Variants in FMNL2 observed in about 807,000 individuals in gnomAD.
FMNL2 encodes the protein formin like 2, also known as formin-like protein 2.
A neutral mutation model predicts 130.2 loss-of-function variants in FMNL2; 51 were observed. The observed-to-expected ratio is 0.39, with a 90% CI of 0.31 to 0.49. FMNL2 has a LOEUF of 0.49. Among genes scored for constraint, FMNL2 ranks in the 20% least tolerant of loss-of-function variants. The pLI, the probability that FMNL2 is intolerant of heterozygous loss-of-function variation, is 0.85. For missense variants in FMNL2, 977 were observed against 1,316.2 expected, an observed-to-expected ratio of 0.74 and a Z score of 3.99; for synonymous variants, 465 against 467.1, an observed-to-expected ratio of 1.00 and a Z score of 0.06.
At chr2:152,500,621 G>A (rs546059175) in intron 1 of FMNL2, among the ~76,000 whole-genome samples, 2 of 152,324 alleles carry the variant, frequency 1.3e-5, no homozygotes, top group South Asian at 2.1e-4. Flanking sequence ...GTCGAGGTCG[G>A]TGGATCACCT....
intron 22 of FMNL2, among the ~76,000 whole-genome samples, 189 bp downstream of exon 22, chr2:152,636,779 T>C (rs1019638269): frequency 1.3e-5 from 2 of 152,116 alleles, no homozygotes; most frequent in South Asian, 2.1e-4. Context: ...CCCGTCCTCA[T>C]TGTCCTTTTC....
chr2:152,618,680 G>C (rs1699077217), intron 13 of FMNL2, among the ~76,000 whole-genome samples, 166 bp from the exon 14 acceptor site: 1 of 152,158 alleles, frequency 6.6e-6, no homozygotes, highest in Non-Finnish European at 1.5e-5. Flanking sequence ...TGCATTACTA[G>C]CATACAACTA....
At chr2:152,395,300 G>A (rs1472587738) in intron 1 of FMNL2, among the ~76,000 whole-genome samples, 1 of 152,220 alleles carries the variant, frequency 6.6e-6, no homozygotes, top group Non-Finnish European at 1.5e-5. Context: ...GAGATGAGTA[G>A]TGCTTAGGAT....
At chr2:152,438,036 C>A (rs149548460) in intron 1 of FMNL2, among the ~76,000 whole-genome samples, 228 of 152,282 alleles carry the variant, frequency 1.5e-3, no homozygotes, top group African/African-American at 5.2e-3. Context: ...ACTTTGGAAG[C>A]TGTTTTAGTG....
At chr2:152,373,547 G>T (rs1480550399) in intron 1 of FMNL2, among the ~76,000 whole-genome samples, 1 of 152,126 alleles carries the variant, frequency 6.6e-6, no homozygotes, top group South Asian at 2.1e-4. Flanking sequence ...ATATAAAGTG[G>T]CATATTGTTT....
intron 1 of FMNL2, among the ~76,000 whole-genome samples, chr2:152,442,194 G>T (rs771060585): frequency 2.0e-5 from 3 of 151,862 alleles, no homozygotes; most frequent in Admixed American, 1.3e-4. Flanking sequence ...AATGTTATCA[G>T]TTCCCTTAAT....
chr2:152,600,202 A>G (rs552050043), intron 9 of FMNL2, among the ~76,000 whole-genome samples: 1 of 152,004 alleles, frequency 6.6e-6, no homozygotes, highest in East Asian at 1.9e-4. Flanking sequence ...CAGTCATAAT[A>G]GAGTGTGCCT....
At chr2:152,535,917 G>T (rs1427012691) in intron 2 of FMNL2, among the ~76,000 whole-genome samples, 1 of 152,254 alleles carries the variant, frequency 6.6e-6, no homozygotes, top group African/African-American at 2.4e-5. Flanking sequence ...TGTAGATGGG[G>T]AAGTCCGCCA....
intron 15 of FMNL2, among the ~76,000 whole-genome samples, chr2:152,622,804 G>A (rs1432547154): frequency 2.1e-5 from 3 of 144,610 alleles, no homozygotes; most frequent in African/African-American, 7.9e-5. Context: ...CATTTCCTCT[G>A]AGAAAAGGTT....
At chr2:152,631,917 A>C (rs553360294) in intron 20 of FMNL2, 91 bp from the exon 21 acceptor site, 1 of 1,407,076 alleles carries the variant, frequency 7.1e-7, no homozygotes, top group East Asian at 2.4e-5. Flanking sequence ...TTACTCAGTT[A>C]ATGACTCTGG....
intron 1 of FMNL2, among the ~76,000 whole-genome samples, chr2:152,394,763 T>C (rs1652099894): frequency 6.6e-6 from 1 of 151,850 alleles, no homozygotes; most frequent in African/African-American, 2.4e-5. Context: ...CTCAAATTTG[T>C]GATAAGTAAA....
chr2:152,644,124 G>A (rs959012199), intron 25 of FMNL2, among the ~76,000 whole-genome samples: 7 of 152,144 alleles, frequency 4.6e-5, no homozygotes, highest in African/African-American at 1.7e-4. Context: ...GGGAGGCTGA[G>A]GTGGGAGCAT....
chr2:152,551,739 A>T (rs1694946626), intron 4 of FMNL2, among the ~76,000 whole-genome samples: 1 of 152,210 alleles, frequency 6.6e-6, no homozygotes, highest in Non-Finnish European at 1.5e-5. Flanking sequence ...TAATTCAGTG[A>T]GTGTGGTGAC....
At chr2:152,570,920 T>C (rs991795578) in intron 6 of FMNL2, among the ~76,000 whole-genome samples, 1 of 152,206 alleles carries the variant, frequency 6.6e-6, no homozygotes, top group African/African-American at 2.4e-5. Flanking sequence ...ATTACTGGAA[T>C]AAACTTTTTC....
chr2:152,536,114 A>T (rs2105465511), intron 2 of FMNL2, among the ~76,000 whole-genome samples: 1 of 152,306 alleles, frequency 6.6e-6, no homozygotes, highest in East Asian at 1.9e-4. Context: ...CTGTTTAGGG[A>T]TGCTGATTGG....
intron 6 of FMNL2, among the ~76,000 whole-genome samples, chr2:152,565,714 A>G (rs529156597): frequency 6.6e-6 from 1 of 152,220 alleles, no homozygotes; most frequent in South Asian, 2.1e-4. Context: ...TAATACATTA[A>G]CTACCATTAA....
rs1553462980 is a variant in FMNL2 at position 152,478,229 on chromosome 2, CATATATAT to C, written c.118-43699_118-43692del. 2.7e-4 allele frequency among the ~76,000 whole-genome samples: 31 copies of C among 116,872 alleles called. 4 individuals carry two copies. Among genetic ancestry groups the C allele is most frequent in the Admixed American group, 1.5e-3 (14 of 9,568 alleles). 76.7% of individuals were successfully genotyped at this position (116,872 alleles called of 152,430 possible). A position where few individuals can be genotyped will look rare whatever the true frequency, so the allele number is the denominator to read the frequency against. On this transcript the variant is annotated intron_variant, in intron 1 of 25. Coordinates refer to ENST00000288670, the MANE Select transcript of FMNL2 (RefSeq NM_052905.4). ...TACTTAATATACGTATACATATATA[CATATATAT>C]ATATATATATATATTTTTTTTTTTT...
At chr2:152,486,044 G>A (rs34417831) in intron 1 of FMNL2, among the ~76,000 whole-genome samples, 204 of 152,264 alleles carry the variant, frequency 1.3e-3, no homozygotes, top group Middle Eastern at 0.01. Flanking sequence ...ACCAGAACTT[G>A]GGTATCTTGA....
At chr2:152,507,966 T>C (rs1692265823) in intron 1 of FMNL2, among the ~76,000 whole-genome samples, 1 of 152,186 alleles carries the variant, frequency 6.6e-6, no homozygotes, top group Admixed American at 6.5e-5. Flanking sequence ...TCAGAGTCAT[T>C]AAAGAAAGAT....
Sources: gnomAD v4.1 joint callset for allele counts (sites outside exome capture counted in the v4.1 genomes callset) on GRCh38, gnomAD v4.1.1 for gene constraint, MANE v1.5 for transcripts, NCBI Gene and HGNC (gene_info 2026-07-23, HGNC 2026-07-21) for gene names.